The following AANAT variants were observed in gnomAD, a reference collection of about 807,000 sequenced individuals.
The protein encoded by AANAT is aralkylamine N-acetyltransferase.
Under a neutral mutation model 15.6 loss-of-function variants are expected in AANAT, and 11 were observed. The observed-to-expected ratio is 0.71, with a 90% CI of 0.44 to 1.17. AANAT has a LOEUF of 1.17. Ranked by LOEUF, AANAT falls within the 50% of genes most tolerant of loss-of-function variation. The pLI is 0.00. For synonymous variants in AANAT, 139 were observed against 131.5 expected (o/e 1.06, Z -0.39); for missense variants, 286 against 296.3 (o/e 0.97, Z 0.26).
At chr17:76,458,019 G>A (rs1218378829) in intron 1 of AANAT, among the ~76,000 whole-genome samples, 1 of 152,218 alleles carries the variant, frequency 6.6e-6, no homozygotes, top group Non-Finnish European at 1.5e-5. Context: ...CTGGGAGATA[G>A]AGCAAGACTC....
At chr17:76,466,278 C>A, upstream of AANAT, 1 of 1,484,916 alleles carries the variant, frequency 6.7e-7, no homozygotes, top group Non-Finnish European at 9.0e-7. Context: ...CCCCACCAAC[C>A]AAGCCCAAGG....
chr17:76,469,998 T>C lies in AANAT; in HGVS notation c.*28T>C, dbSNP rs369916771. The C allele has an allele frequency of 1.2e-5, 18 of 1,450,940 alleles. No individual in the cohort carries two copies. The African/African-American group carries it at 2.2e-4, about 17-fold the overall frequency. The allele number at this position is 1,450,940 out of a possible 1,614,324, so 89.9% of individuals were successfully genotyped here. A position where few individuals can be genotyped will look rare whatever the true frequency, so the allele number is the denominator to read the frequency against. ...TGGGCTGCCCACCTGGCTGCCAACA[T>C]GATCCCCGTCTCTGCCCTGGGCTCC... On this transcript the variant is annotated 3_prime_UTR_variant, in exon 4 of 4. Transcript: ENST00000392492. This position sits in a 1 kb window ranked among gnomAD's most constrained non-coding sequence, Gnocchi z 5.2.
rs1382583652 is a variant in AANAT, at chr17:76,467,684, G to T, written c.-119G>T. 11 of 985,410 alleles carry T rather than the reference G, an allele frequency of 1.1e-5. No homozygotes were observed. In the South Asian group the frequency reaches 1.4e-4, roughly 13 times the overall value. 61.0% of individuals were successfully genotyped at this position (985,410 alleles called of 1,614,324 possible). ...GCCTGCGGACAGGCCCCCAGGGCTA[G>T]CGGCTTTGTGGAGGGAACACTGGGT... On this transcript the variant is annotated 5_prime_UTR_variant, in exon 1 of 4. Transcript: ENST00000392492.
chr17:76,457,686 G>A (rs1448233798), intron 1 of AANAT, among the ~76,000 whole-genome samples: 2 of 152,172 alleles, frequency 1.3e-5, no homozygotes, highest in Non-Finnish European at 2.9e-5. Flanking sequence ...TGTTGTATTT[G>A]TGTGTGTAAC....
chr17:76,469,591 G>T lies in AANAT; in HGVS notation c.319-74G>T, dbSNP rs1008774626. The T allele has an allele frequency of 1.4e-6, 2 of 1,410,624 alleles. No individual in the cohort carries two copies. The highest frequency in any genetic ancestry group is 2.9e-5 in the African/African-American group (2 of 69,150). The allele number at this position is 1,410,624 out of a possible 1,614,324, so 87.4% of individuals were successfully genotyped here. Reference sequence around the variant, plus strand: ...GGCACCCAGGGGACACCTGCTCCCTGCCTGGGTTGGTGGTTGGGGGGGAGC... The same window carrying T: ...GGCACCCAGGGGACACCTGCTCCCTTCCTGGGTTGGTGGTTGGGGGGGAGC... On this transcript the variant is annotated intron_variant, in intron 3 of 3. Transcript: ENST00000392492. The surrounding 1 kb of genome is among the most constrained non-coding windows in gnomAD (Gnocchi z 5.2).
Position 76,469,235 on chromosome 17 carries a change from C to T in AANAT, c.226C>T (p.Leu76=), listed in dbSNP as rs2073482413. The T allele has an allele frequency of 6.2e-7, 1 of 1,614,192 alleles. No homozygotes were observed. Among genetic ancestry groups the T allele is most frequent in the Non-Finnish European group, 8.5e-7 (1 of 1,180,030 alleles). Residue 76 remains leucine (L), a synonymous_variant, in exon 3 of 4, where the codon CTA becomes TTA. Coordinates refer to ENST00000392492, the MANE Select transcript of AANAT (RefSeq NM_001088.3). The surrounding 1 kb of genome is among the most constrained non-coding windows in gnomAD (Gnocchi z 5.2). ...YLDEIRHFLT[L]CPELSLGWFE... is the part of the protein sequence containing the mutation. Reference sequence around the variant, plus strand: ...GGATGAGATCCGGCACTTCCTGACCCTATGTCCAGAGCTGTCCCTGGGCTG... The same window carrying T: ...GGATGAGATCCGGCACTTCCTGACCTTATGTCCAGAGCTGTCCCTGGGCTG...
chr17:76,461,848 A>G (rs896923321), intron 2 of AANAT, among the ~76,000 whole-genome samples: 3 of 152,130 alleles, frequency 2.0e-5, no homozygotes. Flanking sequence ...CCTCCTTGGC[A>G]GCATGTAAAG....
Position 76,469,092 on chromosome 17 carries a change from T to C in AANAT, c.164-81T>C, listed in dbSNP as rs767079405. 1.7e-5 allele frequency: 27 copies of C among 1,582,902 alleles called. No individual in the cohort carries two copies. Among genetic ancestry groups the C allele is most frequent in the Admixed American group, 3.4e-5 (2 of 58,872 alleles). On this transcript the variant is annotated intron_variant, in intron 2 of 3. Transcript: ENST00000392492. This position sits in a 1 kb window ranked among gnomAD's most constrained non-coding sequence, Gnocchi z 5.2. ...ATTTTCCTGTGGGGAACGGGGCATCTGAGTGGACACTCGGGGTGCAGCAGA... is the reference window on the plus strand; with the variant it reads ...ATTTTCCTGTGGGGAACGGGGCATCCGAGTGGACACTCGGGGTGCAGCAGA...
intron 1 of AANAT, among the ~76,000 whole-genome samples, chr17:76,454,549 T>C (rs1295427994): frequency 6.7e-6 from 1 of 149,666 alleles, no homozygotes; most frequent in African/African-American, 2.5e-5. Flanking sequence ...GCGTGGTGGC[T>C]CATGCCTGTA....
upstream of AANAT, among the ~76,000 whole-genome samples, chr17:76,464,258 CT>C (rs572364626): frequency 4.9e-3 from 741 of 151,642 alleles, 1 homozygote; most frequent in African/African-American, 0.013. Flanking sequence ...AGGAGAATTG[CT>C]TGAACCTGGG....
upstream of AANAT, among the ~76,000 whole-genome samples, chr17:76,467,165 G>A (rs2073446995): frequency 6.6e-6 from 1 of 152,136 alleles, no homozygotes; most frequent in African/African-American, 2.4e-5. Context: ...CTTTGTAGTT[G>A]AGATGTTTGG....
At chr17:76,461,089 C>T (rs564856618) in intron 2 of AANAT, among the ~76,000 whole-genome samples, 39 of 151,550 alleles carry the variant, frequency 2.6e-4, no homozygotes, top group Non-Finnish European at 3.8e-4. Flanking sequence ...TGCTTGAACC[C>T]GGGAGGCGGG....
At chr17:76,464,200 G>C (rs919034191), upstream of AANAT, among the ~76,000 whole-genome samples, 1 of 152,146 alleles carries the variant, frequency 6.6e-6, no homozygotes, top group Non-Finnish European at 1.5e-5. Context: ...AAATTAGCCA[G>C]GCATGGTGGT....
rs201479458 is a variant in AANAT at position 76,469,325 on chromosome 17, C to A, written c.316C>A (p.Gln106Lys). ...GCTCTGGGACAAGGAGAGACTCATG[C>A]AGGTGAGGACAGGGCTGCGACGCCC... The part of the protein sequence containing the change: ...GSLWDKERLM[Q>K]ESLTLHRSGG... Residue 106 changes from glutamine to lysine, a missense_variant and splice_region_variant, in exon 3 of 4, where the codon CAG (glutamine) becomes AAG (lysine). Physicochemically the swap from Gln to Lys is moderately conservative, Grantham distance 53. Transcript: ENST00000392492. This position sits in a 1 kb window ranked among gnomAD's most constrained non-coding sequence, Gnocchi z 5.2. 2 of 1,613,724 alleles carry A rather than the reference C, an allele frequency of 1.2e-6. No individual in the cohort carries two copies. Among genetic ancestry groups the A allele is most frequent in the Admixed American group, 3.3e-5 (2 of 60,000 alleles).
At chr17:76,460,938 G>T (rs2073382469) in intron 2 of AANAT, among the ~76,000 whole-genome samples, 2 of 152,152 alleles carry the variant, frequency 1.3e-5, no homozygotes, top group Non-Finnish European at 2.9e-5. Flanking sequence ...GCTGAGGGGG[G>T]CAGATTGTTT....
At chr17:76,454,400 G>A (rs775825184) in intron 1 of AANAT, among the ~76,000 whole-genome samples, 1 of 151,682 alleles carries the variant, frequency 6.6e-6, no homozygotes, top group African/African-American at 2.4e-5. Flanking sequence ...CAGGCAAATC[G>A]CTTGAACCTG....
chr17:76,459,820 A>G (rs538611220), intron 2 of AANAT, among the ~76,000 whole-genome samples: 23 of 152,354 alleles, frequency 1.5e-4, no homozygotes, highest in Non-Finnish European at 2.5e-4. Flanking sequence ...CAGTGAGTGC[A>G]TGATGGCAGG....
chr17:76,469,665 G>C lies in AANAT; in HGVS notation c.319G>C (p.Glu107Gln), dbSNP rs1468896472. The change falls in exon 4 of 4, where the codon GAG becomes CAG. Residue 107 changes from glutamate (E) to glutamine (Q), a missense_variant and splice_region_variant. Transcript: ENST00000392492. The surrounding 1 kb of genome is among the most constrained non-coding windows in gnomAD (Gnocchi z 5.2). ...GATCTCATCCCTTGCTCGCTCCCAG[G>C]AGTCACTGACGCTGCACAGGTCTGG... ...SLWDKERLMQ[E>Q]SLTLHRSGGH... is the part of the protein sequence containing the mutation. 6.7e-7 allele frequency: 1 copy of C among 1,483,070 alleles called. No individual in the cohort carries two copies. The allele number at this position is 1,483,070 out of a possible 1,614,324, so 91.9% of individuals were successfully genotyped here. A position where few individuals can be genotyped will look rare whatever the true frequency, so the allele number is the denominator to read the frequency against.
intron 1 of AANAT, among the ~76,000 whole-genome samples, chr17:76,454,322 GAAA>G (rs67911712): frequency 7.2e-6 from 1 of 139,290 alleles, no homozygotes; most frequent in Non-Finnish European, 1.6e-5. Context: ...TAAAAATACG[GAAA>G]AAAAAAAAAA....
Sources: allele counts gnomAD v4.1 joint callset (sites outside exome capture counted in the v4.1 genomes callset), GRCh38; gene constraint gnomAD v4.1.1; non-coding constraint Gnocchi (gnomAD v3.1); transcripts MANE v1.5; gene names NCBI Gene and HGNC (gene_info 2026-07-23, HGNC 2026-07-21).